The following FSTL4 variants were observed in gnomAD, a reference collection of about 807,000 sequenced individuals.
FSTL4 encodes the protein follistatin like 4, also known as follistatin-related protein 4.
A neutral mutation model predicts 78.2 loss-of-function variants in FSTL4; 28 were observed. The ratio of observed to expected loss-of-function variants is 0.36; its 90% CI spans 0.27 to 0.49. The LOEUF (loss-of-function observed/expected upper bound fraction) is 0.49. FSTL4 is among the 20% of genes least tolerant of loss of function. FSTL4 has a pLI of 0.98. For missense variants in FSTL4, 922 were observed against 1,084.9 expected (o/e 0.85, Z 2.11); for synonymous variants, 422 against 440.5 (o/e 0.96, Z 0.53).
intron 4 of FSTL4, among the ~76,000 whole-genome samples, chr5:133,346,145 G>T (rs2126922209): frequency 6.6e-6 from 1 of 152,206 alleles, no homozygotes; most frequent in Admixed American, 6.5e-5. Context: ...CACAGGAGCA[G>T]AAAACCAAAC....
rs187030234 is a variant in FSTL4 at position 133,310,043 on chromosome 5, C to T, written c.727+2611G>A. Among the ~76,000 whole-genome samples, 195 of 152,226 alleles carry T rather than the reference C, an allele frequency of 1.3e-3. 1 individual carries two copies. Among genetic ancestry groups the T allele is most frequent in the African/African-American group, 4.5e-3 (185 of 41,530 alleles). Reference sequence around the variant, plus strand: ...TCATTTCAATTACCTATTTAAAATTCGCTGAACCATAAATCTATTACCAGA... The same window carrying T: ...TCATTTCAATTACCTATTTAAAATTTGCTGAACCATAAATCTATTACCAGA... On this transcript the variant is annotated intron_variant, in intron 6 of 15. Transcript: ENST00000265342.
At chr5:133,507,348 G>A (rs1002563657) in intron 3 of FSTL4, among the ~76,000 whole-genome samples, 1 of 152,102 alleles carries the variant, frequency 6.6e-6, no homozygotes, top group Non-Finnish European at 1.5e-5. Context: ...GAAAGTGTTT[G>A]AGCCCCTTGG....
intron 3 of FSTL4, among the ~76,000 whole-genome samples, chr5:133,412,833 C>T (rs924177144): frequency 6.6e-6 from 1 of 152,128 alleles, no homozygotes; most frequent in Non-Finnish European, 1.5e-5. Flanking sequence ...ACTCTATGTA[C>T]TCATCAGAGA....
At chr5:133,591,052 C>T (rs1760614637) in intron 2 of FSTL4, among the ~76,000 whole-genome samples, 1 of 152,198 alleles carries the variant, frequency 6.6e-6, no homozygotes, top group Non-Finnish European at 1.5e-5. Context: ...TTTTGGGGAA[C>T]ACATTCCAAC....
At chr5:133,367,809 C>T (rs1298610783) in intron 4 of FSTL4, among the ~76,000 whole-genome samples, 1 of 152,252 alleles carries the variant, frequency 6.6e-6, no homozygotes, top group African/African-American at 2.4e-5. Context: ...AGCCTGCCAG[C>T]TATGATCCTT....
At chr5:133,827,200 C>T in the FSTL4 span, among the ~76,000 whole-genome samples, 2 of 152,218 alleles carry the variant, frequency 1.3e-5, no homozygotes, top group African/African-American at 2.4e-5. Flanking sequence ...CCCCCAGCAG[C>T]ACCAATAGGT....
chr5:133,777,727 T>C, the FSTL4 span, among the ~76,000 whole-genome samples: 4 of 152,256 alleles, frequency 2.6e-5, no homozygotes, highest in African/African-American at 9.6e-5. Context: ...TCACAGATAC[T>C]GTATACATAT....
intron 13 of FSTL4, among the ~76,000 whole-genome samples, chr5:133,212,568 G>A (rs931421152): frequency 1.3e-5 from 2 of 152,146 alleles, no homozygotes; most frequent in African/African-American, 4.8e-5. Context: ...ACAGAAGATA[G>A]GTTGATAGAA....
chr5:133,793,717 G>T, the FSTL4 span, among the ~76,000 whole-genome samples: 1 of 152,094 alleles, frequency 6.6e-6, no homozygotes, highest in Non-Finnish European at 1.5e-5. Flanking sequence ...ACATCTCGCG[G>T]CAACCCCTCA....
Position 133,197,285 on chromosome 5 carries a change from C to G in FSTL4, c.*1810G>C, listed in dbSNP as rs929796931. 7 of 151,046 alleles carry G rather than the reference C, an allele frequency of 4.6e-5. No homozygotes were observed. Among genetic ancestry groups the G allele is most frequent in the Non-Finnish European group, 1.0e-4 (7 of 67,814 alleles). 9.4% of individuals were successfully genotyped at this position (151,046 alleles called of 1,614,324 possible). Reference sequence around the variant, plus strand: ...AACATAACATATCAAGATATTGAGGCAGGAAAAAAAAAGGGGTGAGATGGG... The same window carrying G: ...AACATAACATATCAAGATATTGAGGGAGGAAAAAAAAAGGGGTGAGATGGG... On this transcript the variant is annotated 3_prime_UTR_variant, in exon 16 of 16. Transcript: ENST00000265342.
Position 133,395,402 on chromosome 5 carries a change from G to A in FSTL4, c.409+5336C>T, listed in dbSNP as rs199954723. ...TCACTCCTGAAGCCAGCGAGACCACGAACCCACCAGAAGGAAGAAACTCTG... is the reference window on the plus strand; with the variant it reads ...TCACTCCTGAAGCCAGCGAGACCACAAACCCACCAGAAGGAAGAAACTCTG... On this transcript the variant is annotated intron_variant, in intron 4 of 15. Coordinates refer to ENST00000265342, the MANE Select transcript of FSTL4 (RefSeq NM_015082.2). Among the ~76,000 whole-genome samples, 4 of 152,280 alleles carry A rather than the reference G, an allele frequency of 2.6e-5. 1 individual carries two copies. The highest frequency in any genetic ancestry group is 9.6e-5 in the African/African-American group (4 of 41,576).
chr5:133,340,350 TG>T (rs752842333), intron 4 of FSTL4, among the ~76,000 whole-genome samples: 3 of 152,204 alleles, frequency 2.0e-5, no homozygotes, highest in African/African-American at 7.2e-5. Flanking sequence ...TGGAAGGTTC[TG>T]GGGGTCAATC....
the FSTL4 span, among the ~76,000 whole-genome samples, chr5:133,625,723 C>A: frequency 1.3e-5 from 1 of 75,068 alleles, no homozygotes; most frequent in African/African-American, 6.9e-5. Context: ...TGAGACAGTT[C>A]CATATATATA....
intron 4 of FSTL4, among the ~76,000 whole-genome samples, chr5:133,339,435 G>A (rs938459101): frequency 6.6e-6 from 1 of 152,032 alleles, no homozygotes; most frequent in African/African-American, 2.4e-5. Flanking sequence ...GACCACTCCT[G>A]GCTGGGTTCA....
At chr5:133,489,681 G>A (rs916110035) in intron 3 of FSTL4, among the ~76,000 whole-genome samples, 1 of 152,122 alleles carries the variant, frequency 6.6e-6, no homozygotes, top group East Asian at 1.9e-4. Context: ...CTGAGCAATG[G>A]ATACATAGTA....
At position 133,460,564 on chromosome 5, in the gene FSTL4, C is replaced by T. The variant is rs1181802391; in HGVS notation, c.161-59578G>A. On this transcript the variant is annotated intron_variant, in intron 3 of 15. Transcript: ENST00000265342. ...GCCTAATAGTCGCAAGCCTCATCTCCGTTTTAAGAAGTAACAGGGCATGTT... is the reference window on the plus strand; with the variant it reads ...GCCTAATAGTCGCAAGCCTCATCTCTGTTTTAAGAAGTAACAGGGCATGTT... Among the ~76,000 whole-genome samples, 7 of 152,182 alleles carry T rather than the reference C, an allele frequency of 4.6e-5. No homozygotes were observed. The South Asian group carries it at 8.3e-4, about 18-fold the overall frequency.
At chr5:133,821,553 G>GCTA in the FSTL4 span, among the ~76,000 whole-genome samples, 1 of 152,206 alleles carries the variant, frequency 6.6e-6, no homozygotes, top group East Asian at 1.9e-4. Context: ...AGAAACAGTG[G>GCTA]GAACAAGAGT....
chr5:133,224,150 C>G (rs373773139), intron 11 of FSTL4, 40 bp downstream of exon 11: 2 of 1,578,048 alleles, frequency 1.3e-6, no homozygotes, highest in Non-Finnish European at 1.7e-6. Flanking sequence ...ACCAAACACA[C>G]GTGATCACAG....
the FSTL4 span, among the ~76,000 whole-genome samples, chr5:133,768,118 C>G: frequency 6.6e-6 from 1 of 151,912 alleles, no homozygotes; most frequent in African/African-American, 2.4e-5. Context: ...TTTTTAGCAG[C>G]TAACTCTTTC....
Sources: gnomAD v4.1 joint callset for allele counts (sites outside exome capture counted in the v4.1 genomes callset) on GRCh38, gnomAD v4.1.1 for gene constraint, MANE v1.5 for transcripts, NCBI Gene and HGNC (gene_info 2026-07-23, HGNC 2026-07-21) for gene names.